CNTN4: variants seen among roughly 807,000 people sequenced by gnomAD.
CNTN4 encodes the protein contactin-4.
In CNTN4, 77 loss-of-function variants were observed where a neutral mutation model predicts 122.5. That is an observed-to-expected ratio of 0.63 (90% CI 0.52 to 0.76). The LOEUF is 0.76. CNTN4 is among the 30% of genes least tolerant of loss of function. The pLI, the probability that CNTN4 is intolerant of heterozygous loss-of-function variation, is 0.00. For missense variants in CNTN4, 1,256 were observed against 1,259.1 expected (o/e 1.00, Z 0.04); for synonymous variants, 512 against 447.0 (o/e 1.15, Z -1.83).
intron 3 of CNTN4, among the ~76,000 whole-genome samples, chr3:2,347,806 T>A (rs4685516): frequency 0.46 from 68,630 of 150,676 alleles, 16,474 homozygotes; most frequent in East Asian, 0.8. Context: ...TTTTTTTTTT[T>A]AATTTCAATT....
intron 2 of CNTN4, among the ~76,000 whole-genome samples, chr3:2,316,562 C>G (rs1447824903): frequency 6.6e-6 from 1 of 152,092 alleles, no homozygotes; most frequent in Non-Finnish European, 1.5e-5. Context: ...GCATAAGATA[C>G]AGTCTGTTGA....
At chr3:2,584,887 T>C (rs2080113678) in intron 4 of CNTN4, among the ~76,000 whole-genome samples, 1 of 151,630 alleles carries the variant, frequency 6.6e-6, no homozygotes, top group Non-Finnish European at 1.5e-5. Context: ...GGTAGGTAGA[T>C]ACGAAGTAGG....
intron 2 of CNTN4, among the ~76,000 whole-genome samples, chr3:2,258,414 A>G (rs2149727917): frequency 6.6e-6 from 1 of 152,064 alleles, no homozygotes; most frequent in South Asian, 2.1e-4. Flanking sequence ...ATTAGCACAG[A>G]TTTTCTTATT....
intron 2 of CNTN4, among the ~76,000 whole-genome samples, chr3:2,271,650 C>A (rs890914476): frequency 3.3e-5 from 5 of 152,018 alleles, no homozygotes; most frequent in Admixed American, 2.0e-4. Context: ...GACTTTTCTT[C>A]CTAGATTACC....
In CNTN4 at chr3:2,821,202, C is replaced by T. The variant is rs147394088; in HGVS notation, c.454+1621C>T. ...AAACTCCTGACCTCAAGTGATCCACCCACCTTGGCCTCCCAAAGTGCTGGG... is the reference window on the plus strand; with the variant it reads ...AAACTCCTGACCTCAAGTGATCCACTCACCTTGGCCTCCCAAAGTGCTGGG... On this transcript the variant is annotated intron_variant, in intron 7 of 24. Coordinates refer to ENST00000418658, the MANE Select transcript of CNTN4 (RefSeq NM_175607.3). Among the ~76,000 whole-genome samples, 177 of 152,106 alleles carry T rather than the reference C, an allele frequency of 1.2e-3. 1 individual carries two copies. The highest frequency in any genetic ancestry group is 4.1e-3 in the African/African-American group (170 of 41,480).
chr3:2,225,303 A>G (rs969542566), intron 2 of CNTN4, among the ~76,000 whole-genome samples: 1 of 151,848 alleles, frequency 6.6e-6, no homozygotes, highest in African/African-American at 2.4e-5. Context: ...TCACGAGGTC[A>G]GGAGTTCAAG....
At position 2,267,476 on chromosome 3, in the gene CNTN4, C is replaced by T. The variant is rs551320699; in HGVS notation, c.-144-71702C>T. ...GAATATTTGAATTGCATCCCAGTTT[C>T]GAATAGGATATTGTTTCACGGTTCT... On this transcript the variant is annotated intron_variant, in intron 2 of 24. Transcript: ENST00000418658. Among the ~76,000 whole-genome samples the T allele has an allele frequency of 1.2e-4, 18 of 152,128 alleles. No homozygotes were observed. The South Asian group carries it at 2.9e-3, about 25-fold the overall frequency.
intron 7 of CNTN4, among the ~76,000 whole-genome samples, chr3:2,824,590 C>G (rs1008853823): frequency 1.3e-5 from 2 of 152,202 alleles, no homozygotes; most frequent in Admixed American, 1.3e-4. Context: ...AGATGGAGTG[C>G]TTCGATTTCC....
chr3:2,179,982 T>C lies in CNTN4; in HGVS notation c.-145+79343T>C, dbSNP rs549405628. ...TAAGCCTTATAAATCTAGTGTAGAT[T>C]TTACTTATAGCACATCTCAATTCAG... On this transcript the variant is annotated intron_variant, in intron 2 of 24. Transcript: ENST00000418658. 2.6e-4 allele frequency among the ~76,000 whole-genome samples: 39 copies of C among 151,348 alleles called. No homozygotes were observed. In the Middle Eastern group the frequency reaches 0.01, roughly 40 times the overall value.
intron 3 of CNTN4, among the ~76,000 whole-genome samples, chr3:2,426,237 G>A (rs530917625): frequency 1.3e-4 from 20 of 152,250 alleles, no homozygotes; most frequent in African/African-American, 3.6e-4. Flanking sequence ...TTTGAGATAC[G>A]TCCCATCAAT....
At chr3:2,124,147 C>CA (rs1411470962) in intron 2 of CNTN4, among the ~76,000 whole-genome samples, 2 of 151,570 alleles carry the variant, frequency 1.3e-5, no homozygotes, top group African/African-American at 4.9e-5. Flanking sequence ...TGCCAGAAGT[C>CA]ACGTAAAATT....
intron 4 of CNTN4, chr3:2,735,805 A>G (rs1207558175): frequency 1.4e-5 from 5 of 360,524 alleles, no homozygotes; most frequent in South Asian, 8.5e-5. Context: ...TAATTTTATC[A>G]TCTCATTACA....
At chr3:2,276,791 T>C (rs549208218) in intron 2 of CNTN4, among the ~76,000 whole-genome samples, 219 of 152,140 alleles carry the variant, frequency 1.4e-3, no homozygotes, top group African/African-American at 5.0e-3. Context: ...TGGCGCGTGC[T>C]TGTGATCCCA....
chr3:3,028,171 T>C lies in CNTN4; in HGVS notation c.1662+1894T>C, dbSNP rs115019673. Among the ~76,000 whole-genome samples, 513 of 152,298 alleles carry C rather than the reference T, an allele frequency of 3.4e-3. 4 individuals are homozygous for C. Among genetic ancestry groups the C allele is most frequent in the African/African-American group, 0.011 (468 of 41,566 alleles). ...TGATGCTTGGTATAGAGTTAACCTA[T>C]TGAGGTTTTATAAAAGTTATTATTT... On this transcript the variant is annotated intron_variant, in intron 15 of 24. Coordinates refer to ENST00000418658, the MANE Select transcript of CNTN4 (RefSeq NM_175607.3).
At chr3:2,882,255 C>T (rs546086497) in intron 8 of CNTN4, among the ~76,000 whole-genome samples, 52 of 152,000 alleles carry the variant, frequency 3.4e-4, no homozygotes, top group African/African-American at 1.2e-3. Flanking sequence ...GTCCTAGCAA[C>T]TCGGGGAGGC....
At chr3:2,255,463 C>T (rs1286036608) in intron 2 of CNTN4, among the ~76,000 whole-genome samples, 3 of 152,136 alleles carry the variant, frequency 2.0e-5, no homozygotes, top group Non-Finnish European at 2.9e-5. Flanking sequence ...ACTCTCCACC[C>T]CAAATCCACA....
chr3:2,444,036 C>T (rs74967875), intron 3 of CNTN4, among the ~76,000 whole-genome samples: 1,980 of 152,170 alleles, frequency 0.013, 14 homozygotes, highest in Non-Finnish European at 0.019. Flanking sequence ...AATTTACACT[C>T]CTCTGGGAGC....
At chr3:2,803,240 T>C (rs2150074399) in intron 6 of CNTN4, among the ~76,000 whole-genome samples, 1 of 152,332 alleles carries the variant, frequency 6.6e-6, no homozygotes, top group East Asian at 1.9e-4. Context: ...TGAATTATCA[T>C]TTCAGACACC....
chr3:2,535,067 T>G (rs2077748879), intron 3 of CNTN4, among the ~76,000 whole-genome samples: 2 of 152,192 alleles, frequency 1.3e-5, no homozygotes, highest in Admixed American at 1.3e-4. Flanking sequence ...TATGTCCCAT[T>G]CCCACTTTTC....
Sources: allele counts gnomAD v4.1 joint callset (sites outside exome capture counted in the v4.1 genomes callset), GRCh38; gene constraint gnomAD v4.1.1; transcripts MANE v1.5; gene names NCBI Gene and HGNC (gene_info 2026-07-23, HGNC 2026-07-21).